Variants in RHOA observed in about 807,000 individuals in gnomAD.
RHOA encodes ras homolog family member A.
Under a neutral mutation model 17.5 loss-of-function variants are expected in RHOA, and 3 were observed. The ratio of observed to expected loss-of-function variants is 0.17; its 90% CI spans 0.08 to 0.44. The LOEUF is 0.44. RHOA is among the 20% of genes least tolerant of loss of function. The pLI is 0.99. For synonymous variants in RHOA, 98 were observed against 88.4 expected, an observed-to-expected ratio of 1.11 and a Z score of -0.61; for missense variants, 56 against 242.3, an observed-to-expected ratio of 0.23 and a Z score of 5.10.
intron 1 of RHOA, among the ~76,000 whole-genome samples, chr3:49,411,235 T>A (rs1478251979): frequency 6.6e-6 from 1 of 152,124 alleles, no homozygotes; most frequent in Non-Finnish European, 1.5e-5. Flanking sequence ...CCAGGTGGTA[T>A]GGCCGTAGAT....
At chr3:49,396,802 T>C (rs927710116) in intron 1 of RHOA, among the ~76,000 whole-genome samples, 2 of 151,806 alleles carry the variant, frequency 1.3e-5, no homozygotes, top group East Asian at 1.9e-4. Context: ...CCGGGCAACA[T>C]AGTGAGACCA....
At chr3:49,406,222 G>C (rs2048830536) in intron 1 of RHOA, among the ~76,000 whole-genome samples, 1 of 151,852 alleles carries the variant, frequency 6.6e-6, no homozygotes, top group African/African-American at 2.4e-5. Flanking sequence ...ACCTCTCAAA[G>C]CCTATATCCC....
chr3:49,405,072 A>AC (rs758106030), intron 1 of RHOA, among the ~76,000 whole-genome samples: 1 of 146,248 alleles, frequency 6.8e-6, no homozygotes, highest in Non-Finnish European at 1.5e-5. Flanking sequence ...ACACGGTAAA[A>AC]CCCTGTCTCT....
intron 1 of RHOA, among the ~76,000 whole-genome samples, chr3:49,396,430 T>A (rs1345092351): frequency 6.6e-6 from 1 of 151,464 alleles, no homozygotes; most frequent in Non-Finnish European, 1.5e-5. Context: ...AAAAAATTAG[T>A]TGGGCGCGGT....
intron 1 of RHOA, among the ~76,000 whole-genome samples, chr3:49,409,998 C>A (rs1317687988): frequency 6.6e-6 from 1 of 152,172 alleles, no homozygotes; most frequent in Non-Finnish European, 1.5e-5. Context: ...ACCAGGGACC[C>A]TCGTACATTC....
chr3:49,364,929 C>T (rs2048030290), intron 3 of RHOA, among the ~76,000 whole-genome samples: 1 of 152,110 alleles, frequency 6.6e-6, no homozygotes, highest in South Asian at 2.1e-4. Context: ...GAGATCGCAC[C>T]ATTGCACTCC....
intron 1 of RHOA, among the ~76,000 whole-genome samples, chr3:49,409,532 A>G (rs1031394329): frequency 6.6e-6 from 1 of 152,176 alleles, no homozygotes; most frequent in African/African-American, 2.4e-5. Context: ...AGCAGCTTCA[A>G]ATTAGCTCTC....
rs879757069 is a variant in RHOA, at chr3:49,389,315, C to CA, written c.-2-13725dup. Among the ~76,000 whole-genome samples, 594 of 140,410 alleles carry CA rather than the reference C, an allele frequency of 4.2e-3. 5 individuals carry two copies. The highest frequency in any genetic ancestry group is 0.014 in the African/African-American group (523 of 38,518). 92.1% of individuals were successfully genotyped at this position (140,410 alleles called of 152,430 possible). A position where few individuals can be genotyped will look rare whatever the true frequency, so the allele number is the denominator to read the frequency against. On this transcript the variant is annotated intron_variant, in intron 1 of 4. Transcript: ENST00000418115. ...GGGCGACAAAGCGAGACTCCATCTC[C>CA]AAAAAAAAAAAGGAGCATAGTGGTT...
chr3:49,372,836 G>A (rs1301882848), intron 2 of RHOA, among the ~76,000 whole-genome samples: 1 of 151,278 alleles, frequency 6.6e-6, no homozygotes. Context: ...AACATTTTCC[G>A]TTACTTCACA....
chr3:49,389,086 AATCC>A (rs1446034390), intron 1 of RHOA, among the ~76,000 whole-genome samples: 309 of 152,306 alleles, frequency 2.0e-3, no homozygotes, highest in Admixed American at 4.8e-3. Context: ...TCACGCCTGT[AATCC>A]CAGCACTTTG....
At chr3:49,405,993 GT>G (rs1464672698) in intron 1 of RHOA, among the ~76,000 whole-genome samples, 2 of 152,094 alleles carry the variant, frequency 1.3e-5, no homozygotes, top group Non-Finnish European at 2.9e-5. Context: ...CCTGCCTTCT[GT>G]TTCTGAACTT....
Position 49,375,681 on chromosome 3 carries a change from T to C in RHOA, c.-2-90A>G, listed in dbSNP as rs910423586. 11 of 1,358,370 alleles carry C rather than the reference T, an allele frequency of 8.1e-6. No individual in the cohort carries two copies. In the African/African-American group the frequency reaches 1.6e-4, roughly 20 times the overall value. 84.1% of individuals were successfully genotyped at this position (1,358,370 alleles called of 1,614,324 possible). A position where few individuals can be genotyped will look rare whatever the true frequency, so the allele number is the denominator to read the frequency against. On this transcript the variant is annotated intron_variant, in intron 1 of 4. Coordinates refer to ENST00000418115, the MANE Select transcript of RHOA (RefSeq NM_001664.4). ...CACATGCTTTGGTAACCATGGGGCA[T>C]AAACCTCTATTAGCATACTCAAATT...
intron 2 of RHOA, among the ~76,000 whole-genome samples, chr3:49,369,168 C>T (rs141424092): frequency 0.012 from 1,743 of 145,292 alleles, 26 homozygotes; most frequent in African/African-American, 0.042. Context: ...GGACTACAGG[C>T]GCCCGCCACC....
intron 1 of RHOA, among the ~76,000 whole-genome samples, chr3:49,409,862 G>T (rs79650774): frequency 1.3e-5 from 2 of 152,120 alleles, no homozygotes; most frequent in African/African-American, 2.4e-5. Context: ...AGTCAAAAGT[G>T]CCCACAGTTA....
At chr3:49,391,497 G>A (rs1458714241) in intron 1 of RHOA, among the ~76,000 whole-genome samples, 1 of 152,082 alleles carries the variant, frequency 6.6e-6, no homozygotes. Context: ...TCCTACAACT[G>A]GTAATGTCAC....
intron 2 of RHOA, 79 bp from the exon 3 acceptor site, chr3:49,368,627 T>G: frequency 6.7e-7 from 1 of 1,487,666 alleles, no homozygotes; most frequent in Non-Finnish European, 9.3e-7. Flanking sequence ...CTTACCATAG[T>G]ACATTGAAAT....
At chr3:49,398,096 C>T (rs1214951692) in intron 1 of RHOA, among the ~76,000 whole-genome samples, 1 of 152,150 alleles carries the variant, frequency 6.6e-6, no homozygotes, top group Non-Finnish European at 1.5e-5. Context: ...CGTGGTGGCT[C>T]ACACCTATAG....
At chr3:49,411,277 C>G (rs1412163593) in intron 1 of RHOA, among the ~76,000 whole-genome samples, 1 of 152,174 alleles carries the variant, frequency 6.6e-6, no homozygotes, top group African/African-American at 2.4e-5. Context: ...CAATCTTTTA[C>G]TTACTTACAC....
chr3:49,360,895 G>A (rs1417959407), intron 4 of RHOA: 1 of 331,372 alleles, frequency 3.0e-6, no homozygotes, highest in African/African-American at 2.2e-5. Context: ...CCAACATGGT[G>A]AAACCCCTCT....
Sources: allele counts gnomAD v4.1 joint callset (sites outside exome capture counted in the v4.1 genomes callset), GRCh38; gene constraint gnomAD v4.1.1; transcripts MANE v1.5; gene names NCBI Gene and HGNC (gene_info 2026-07-23, HGNC 2026-07-21).